Variants in IGLON5 observed in about 807,000 individuals in gnomAD.
IGLON5 encodes IgLON family member 5, also known as Ig-like domain-containing protein ENSP00000270642.
IGLON5 carries 16 observed loss-of-function variants against 38.2 expected under a neutral mutation model. The ratio of observed to expected loss-of-function variants is 0.42; its 90% CI spans 0.28 to 0.64. The LOEUF is 0.64. IGLON5 is among the 30% of genes least tolerant of loss of function. IGLON5 has a pLI of 0.23. For missense variants in IGLON5, 366 were observed against 483.4 expected (o/e 0.76, Z 2.28); for synonymous variants, 207 against 216.4 (o/e 0.96, Z 0.38).
intron 1 of IGLON5, among the ~76,000 whole-genome samples, chr19:51,319,967 T>C (rs574136715): frequency 2.0e-5 from 3 of 152,200 alleles, no homozygotes; most frequent in Admixed American, 6.5e-5. Flanking sequence ...GGTAAGGACA[T>C]AGCAAGTGTG....
In IGLON5 at chr19:51,328,828, C is replaced by A. The variant is rs1197131450; in HGVS notation, c.*69C>A. On this transcript the variant is annotated 3_prime_UTR_variant, in exon 8 of 8. Coordinates refer to ENST00000270642, the MANE Select transcript of IGLON5 (RefSeq NM_001101372.3). ...GCCAAGAGTGAGAGAAACGGGGGAG[C>A]AAGAGCCGTGGGTCTCGTGGGGGCA... 6 of 1,181,552 alleles carry A rather than the reference C, an allele frequency of 5.1e-6. No homozygotes were observed. The highest frequency in any genetic ancestry group is 5.9e-6 in the Non-Finnish European group (5 of 846,362). The allele number at this position is 1,181,552 out of a possible 1,614,324, so 73.2% of individuals were successfully genotyped here.
Position 51,325,492 on chromosome 19 carries a change from C to A in IGLON5, c.511+27C>A. On this transcript the variant is annotated intron_variant, in intron 4 of 7. Coordinates refer to ENST00000270642, the MANE Select transcript of IGLON5 (RefSeq NM_001101372.3). The surrounding 1 kb of genome is among the most constrained non-coding windows in gnomAD (Gnocchi z 5.5). ...TGAGGACCCCATCCCAGGTCAAAAGCCCCGTCCCCCACTGCGCAGTCTGGG... is the reference window on the plus strand; with the variant it reads ...TGAGGACCCCATCCCAGGTCAAAAGACCCGTCCCCCACTGCGCAGTCTGGG... 1 of 1,593,504 alleles carries A rather than the reference C, an allele frequency of 6.3e-7. No homozygotes were observed. Among genetic ancestry groups the A allele is most frequent in the Non-Finnish European group, 8.5e-7 (1 of 1,169,852 alleles).
chr19:51,323,773 C>T lies in IGLON5; in HGVS notation c.270C>T (p.Asn90=). 3.7e-6 allele frequency: 6 copies of T among 1,613,938 alleles called. No homozygotes were observed. Among genetic ancestry groups the T allele is most frequent in the Non-Finnish European group, 5.1e-6 (6 of 1,179,878 alleles). The change falls in exon 3 of 8, where the codon AAC becomes AAT. Residue 90 remains asparagine, a synonymous_variant. Transcript: ENST00000270642. ...TSDPRVRLLI[N]TPEEFSILIT... is the part of the protein sequence containing the mutation. ...ACCCGCGGGTGCGGCTGCTCATCAA[C>T]ACCCCCGAGGAGTTCTCCATCCTCA...
At position 51,328,814 on chromosome 19, in the gene IGLON5, G is replaced by A; in HGVS notation, c.*55G>A. ...GCAGGGGGCCTCAGGCCAAGAGTGAGAGAAACGGGGGAGCAAGAGCCGTGG... is the reference window on the plus strand; with the variant it reads ...GCAGGGGGCCTCAGGCCAAGAGTGAAAGAAACGGGGGAGCAAGAGCCGTGG... On this transcript the variant is annotated 3_prime_UTR_variant, in exon 8 of 8. Transcript: ENST00000270642. The A allele has an allele frequency of 1.5e-6, 2 of 1,320,566 alleles. No individual in the cohort carries two copies. The highest frequency in any genetic ancestry group is 1.5e-5 in the African/African-American group (1 of 66,666). 81.8% of individuals were successfully genotyped at this position (1,320,566 alleles called of 1,614,324 possible). A position where few individuals can be genotyped will look rare whatever the true frequency, so the allele number is the denominator to read the frequency against.
chr19:51,314,197 T>TC, intron 1 of IGLON5, among the ~76,000 whole-genome samples: 1 of 104,000 alleles, frequency 9.6e-6, no homozygotes, highest in African/African-American at 4.2e-5. Context: ...ATTTTTTTTT[T>TC]TTTTGAGGCA....
In IGLON5 at chr19:51,311,858, C is replaced by T. The variant is rs529762460; in HGVS notation, c.11C>T (p.Pro4Leu). 2.3e-6 allele frequency: 3 copies of T among 1,323,868 alleles called. No homozygotes were observed. The highest frequency in any genetic ancestry group is 2.9e-6 in the Non-Finnish European group (3 of 1,032,908). The allele number at this position is 1,323,868 out of a possible 1,614,324, so 82.0% of individuals were successfully genotyped here. Residue 4 changes from proline (P) to leucine (L), a missense_variant, in exon 1 of 8, where the codon CCT (proline) becomes CTT (leucine). Pro to Leu is a moderately conservative substitution (Grantham distance 98). Coordinates refer to ENST00000270642, the MANE Select transcript of IGLON5 (RefSeq NM_001101372.3). ...GCCGCCTCTGCCGCGATGCCCCCCC[C>T]TGCGCCCGGGGCCCGGCTCCGGCTT... MPP[P>L]APGARLRLLA...
In IGLON5 at chr19:51,327,996, GGA is replaced by G; in HGVS notation, c.922+111_922+112del. ...CAGGCTGGCCCTGAACTTAGGAGATGGACGCTGAGACTGAAAAGCAATGCGAG... is the reference window on the plus strand; with the variant it reads ...CAGGCTGGCCCTGAACTTAGGAGATGCGCTGAGACTGAAAAGCAATGCGAG... On this transcript the variant is annotated intron_variant, in intron 7 of 7. Coordinates refer to ENST00000270642, the MANE Select transcript of IGLON5 (RefSeq NM_001101372.3). This position sits in a 1 kb window ranked among gnomAD's most constrained non-coding sequence, Gnocchi z 7.1. 8.7e-7 allele frequency: 1 copy of G among 1,143,054 alleles called. No homozygotes were observed. Among genetic ancestry groups the G allele is most frequent in the South Asian group, 1.6e-5 (1 of 61,180 alleles). The allele number at this position is 1,143,054 out of a possible 1,614,324, so 70.8% of individuals were successfully genotyped here.
rs1264598459 is a variant in IGLON5, at chr19:51,325,308, C to T, written c.392-38C>T. On this transcript the variant is annotated intron_variant, in intron 3 of 7. Transcript: ENST00000270642. The surrounding 1 kb of genome is among the most constrained non-coding windows in gnomAD (Gnocchi z 5.5). Reference sequence around the variant, plus strand: ...GGAGGAAGGGCTGGGGGCCTGGATTCCTGGGCATCCATATTCAGCCTCTGC... The same window carrying T: ...GGAGGAAGGGCTGGGGGCCTGGATTTCTGGGCATCCATATTCAGCCTCTGC... The T allele has an allele frequency of 3.1e-6, 5 of 1,603,054 alleles. No homozygotes were observed. The highest frequency in any genetic ancestry group is 3.4e-5 in the Admixed American group (2 of 58,010).
rs959928060 is a variant in IGLON5 at position 51,324,722 on chromosome 19, A to G, written c.392-624A>G. ...TTTATGCCCTACTAGAAAAGAAAAA[A>G]CAAAAACACTGCCAGCGATACCCTG... is the stretch of plus-strand genomic sequence containing the variant. On this transcript the variant is annotated intron_variant, in intron 3 of 7. Transcript: ENST00000270642. The surrounding 1 kb of genome is among the most constrained non-coding windows in gnomAD (Gnocchi z 4.2). Among the ~76,000 whole-genome samples the G allele has an allele frequency of 2.0e-5, 3 of 151,742 alleles. No individual in the cohort carries two copies. The South Asian group carries it at 6.2e-4, about 32-fold the overall frequency.
rs1222440487 is a variant in IGLON5 at position 51,329,131 on chromosome 19, T to TG, written c.*373dup. The stretch of plus-strand genomic sequence containing the variant: ...GTGTCTGTGTCTCTGTTTGTGTGTG[T>TG]GTGGGGGGGTGGGCTGGGGGAAGGG... On this transcript the variant is annotated 3_prime_UTR_variant, in exon 8 of 8. Coordinates refer to ENST00000270642, the MANE Select transcript of IGLON5 (RefSeq NM_001101372.3). The surrounding 1 kb of genome is among the most constrained non-coding windows in gnomAD (Gnocchi z 4.3). 70 of 85,078 alleles carry TG rather than the reference T, an allele frequency of 8.2e-4. No individual in the cohort carries two copies. The highest frequency in any genetic ancestry group is 3.9e-3 in the African/African-American group (54 of 13,986). The allele number at this position is 85,078 out of a possible 1,614,324, so 5.3% of individuals were successfully genotyped here.
intron 1 of IGLON5, among the ~76,000 whole-genome samples, chr19:51,321,434 C>T (rs1370271474): frequency 2.0e-5 from 3 of 152,174 alleles, no homozygotes; most frequent in African/African-American, 4.8e-5. Context: ...CCACCTCGGC[C>T]TCCCAAAATG....
At position 51,327,024 on chromosome 19, in the gene IGLON5, G is replaced by T; in HGVS notation, c.647-56G>T. On this transcript the variant is annotated intron_variant, in intron 5 of 7. Coordinates refer to ENST00000270642, the MANE Select transcript of IGLON5 (RefSeq NM_001101372.3). This position sits in a 1 kb window ranked among gnomAD's most constrained non-coding sequence, Gnocchi z 7.1. The stretch of plus-strand genomic sequence containing the variant: ...CTGAGGGAGGCGGGGGCTGGGGGCG[G>T]GACCCCTTCGTCCCCACGCGGCTAG... The T allele has an allele frequency of 6.3e-7, 1 of 1,599,390 alleles. No homozygotes were observed. Among genetic ancestry groups the T allele is most frequent in the Non-Finnish European group, 8.5e-7 (1 of 1,174,412 alleles).
chr19:51,318,930 G>A (rs889018454), intron 1 of IGLON5, among the ~76,000 whole-genome samples: 5 of 152,306 alleles, frequency 3.3e-5, no homozygotes, highest in African/African-American at 1.2e-4. Flanking sequence ...GGCTCTCAAC[G>A]GGGAAGGGGG....
rs111067363 is a variant in IGLON5, at chr19:51,323,114, G to C, written c.159-548G>C. 6.4e-3 allele frequency among the ~76,000 whole-genome samples: 918 copies of C among 143,252 alleles called. 10 individuals carry two copies. The highest frequency in any genetic ancestry group is 0.023 in the African/African-American group (880 of 38,028). 94.0% of individuals were successfully genotyped at this position (143,252 alleles called of 152,430 possible). On this transcript the variant is annotated intron_variant, in intron 2 of 7. Transcript: ENST00000270642. ...GTGAGTCTCTGTCCCCTCTCTCTGG[G>C]TCTCTGCCCCCCTCTCTTTCTGGGT...
intron 1 of IGLON5, among the ~76,000 whole-genome samples, chr19:51,315,884 A>G (rs546287216): frequency 6.6e-6 from 1 of 151,658 alleles, no homozygotes; most frequent in Non-Finnish European, 1.5e-5. Context: ...TTTAGTAGAG[A>G]TGGGTTTCAC....
chr19:51,313,093 C>T (rs1158344075), intron 1 of IGLON5, among the ~76,000 whole-genome samples: 1 of 152,174 alleles, frequency 6.6e-6, no homozygotes, highest in African/African-American at 2.4e-5. Flanking sequence ...CACAGAAACC[C>T]CGTCACAGCG....
chr19:51,320,353 T>C (rs986548707), intron 1 of IGLON5, among the ~76,000 whole-genome samples: 16 of 152,308 alleles, frequency 1.1e-4, no homozygotes, highest in African/African-American at 3.6e-4. Context: ...TAATTCATTA[T>C]ATTAATTAGC....
chr19:51,327,421 G>A lies in IGLON5; in HGVS notation c.767+221G>A, dbSNP rs1299829268. On this transcript the variant is annotated intron_variant, in intron 6 of 7. Coordinates refer to ENST00000270642, the MANE Select transcript of IGLON5 (RefSeq NM_001101372.3). The surrounding 1 kb of genome is among the most constrained non-coding windows in gnomAD (Gnocchi z 7.1). Reference sequence around the variant, plus strand: ...GAACCCCGTCTCCCCGGACTTTTCAGGGAGCTGGCCAGGGGTCGGGGGTCA... The same window carrying A: ...GAACCCCGTCTCCCCGGACTTTTCAAGGAGCTGGCCAGGGGTCGGGGGTCA... Among the ~76,000 whole-genome samples, 2 of 152,168 alleles carry A rather than the reference G, an allele frequency of 1.3e-5. No individual in the cohort carries two copies. The highest frequency in any genetic ancestry group is 4.8e-5 in the African/African-American group (2 of 41,438).
chr19:51,327,030 C>T lies in IGLON5; in HGVS notation c.647-50C>T. On this transcript the variant is annotated intron_variant, in intron 5 of 7. Coordinates refer to ENST00000270642, the MANE Select transcript of IGLON5 (RefSeq NM_001101372.3). The surrounding 1 kb of genome is among the most constrained non-coding windows in gnomAD (Gnocchi z 7.1). ...GAGGCGGGGGCTGGGGGCGGGACCC[C>T]TTCGTCCCCACGCGGCTAGGAGAAT... is the stretch of plus-strand genomic sequence containing the variant. 1 of 1,598,626 alleles carries T rather than the reference C, an allele frequency of 6.3e-7. No homozygotes were observed. The highest frequency in any genetic ancestry group is 8.5e-7 in the Non-Finnish European group (1 of 1,173,670).
Sources: gnomAD v4.1 joint callset for allele counts (sites outside exome capture counted in the v4.1 genomes callset) on GRCh38, gnomAD v4.1.1 for gene constraint, Gnocchi (gnomAD v3.1) non-coding constraint, MANE v1.5 for transcripts, NCBI Gene and HGNC (gene_info 2026-07-23, HGNC 2026-07-21) for gene names.